The following PPP6R3 variants were observed in gnomAD, a reference collection of about 807,000 sequenced individuals.
PPP6R3 encodes the protein protein phosphatase 6 regulatory subunit 3.
In PPP6R3, 38 loss-of-function variants were observed where a neutral mutation model predicts 110.7. The observed-to-expected ratio is 0.34, with a 90% confidence interval of 0.26 to 0.45. The LOEUF is 0.45. Ranked by LOEUF, PPP6R3 falls within the 20% of genes least tolerant of loss-of-function variation. PPP6R3 has a pLI of 1.00. For missense variants in PPP6R3, 870 were observed against 1,062.4 expected (o/e 0.82, Z 2.52); for synonymous variants, 369 against 373.5 (o/e 0.99, Z 0.14).
intron 14 of PPP6R3, among the ~76,000 whole-genome samples, chr11:68,581,140 T>C (rs1297110360): frequency 6.6e-6 from 1 of 152,204 alleles, no homozygotes; most frequent in Non-Finnish European, 1.5e-5. Context: ...AGAATCAGAC[T>C]CACATCTTCC....
At chr11:68,551,379 G>T (rs1335609495) in intron 6 of PPP6R3, among the ~76,000 whole-genome samples, 193 bp downstream of exon 6, 1 of 152,196 alleles carries the variant, frequency 6.6e-6, no homozygotes, top group Non-Finnish European at 1.5e-5. Flanking sequence ...AAAATTTCCA[G>T]AAGTGTACAA....
intron 1 of PPP6R3, among the ~76,000 whole-genome samples, chr11:68,506,614 A>G (rs894724533): frequency 1.2e-4 from 18 of 152,046 alleles, no homozygotes; most frequent in African/African-American, 4.3e-4. Flanking sequence ...TGATTTTGAA[A>G]TGCACAGTGG....
intron 1 of PPP6R3, chr11:68,514,974 C>CT (rs1192403018): frequency 6.6e-6 from 1 of 152,008 alleles, no homozygotes; most frequent in African/African-American, 2.4e-5. Context: ...GGATTTTGAT[C>CT]TTTTGGGATT....
chr11:68,545,557 T>G lies in PPP6R3; in HGVS notation c.414+533T>G, dbSNP rs958506119. On this transcript the variant is annotated intron_variant, in intron 4 of 23. Transcript: ENST00000393800. ...CTGCTGTGTACATTTGCAGCTGTGC[T>G]GTTCCTATCCAGTGTGGTTTGACAG... Among the ~76,000 whole-genome samples, 334 of 152,376 alleles carry G rather than the reference T, an allele frequency of 2.2e-3. 2 individuals are homozygous for G. Among genetic ancestry groups the G allele is most frequent in the African/African-American group, 7.6e-3 (316 of 41,592 alleles).
intron 1 of PPP6R3, among the ~76,000 whole-genome samples, chr11:68,496,625 A>G (rs1194856198): frequency 6.6e-6 from 1 of 151,342 alleles, no homozygotes; most frequent in Non-Finnish European, 1.5e-5. Context: ...GGTGTGTGCC[A>G]CCGCATCTGG....
At chr11:68,501,165 A>G (rs1314511261) in intron 1 of PPP6R3, among the ~76,000 whole-genome samples, 1 of 152,198 alleles carries the variant, frequency 6.6e-6, no homozygotes, top group East Asian at 1.9e-4. Flanking sequence ...GTGATGAACA[A>G]TATGTTAAGG....
chr11:68,565,513 G>A (rs899983505), intron 9 of PPP6R3, among the ~76,000 whole-genome samples: 3 of 151,808 alleles, frequency 2.0e-5, no homozygotes, highest in Non-Finnish European at 4.4e-5. Context: ...AACAGAGTAA[G>A]GAAAGAAAAA....
chr11:68,516,318 G>C (rs745830455), intron 1 of PPP6R3, among the ~76,000 whole-genome samples: 1 of 152,104 alleles, frequency 6.6e-6, no homozygotes, highest in Non-Finnish European at 1.5e-5. Context: ...TACAACACAT[G>C]TGACCTCATG....
At chr11:68,478,646 A>ATTTTTTT (rs1565292839) in intron 1 of PPP6R3, among the ~76,000 whole-genome samples, 3 of 10,760 alleles carry the variant, frequency 2.8e-4, no homozygotes, top group Non-Finnish European at 4.0e-4. Flanking sequence ...GCACTTGGTA[A>ATTTTTTT]GTTTTTTTTT....
At chr11:68,612,334 A>AATTGTGAATGCTAGTGG in intron 23 of PPP6R3, among the ~76,000 whole-genome samples, 1 of 152,166 alleles carries the variant, frequency 6.6e-6, no homozygotes. Flanking sequence ...TCTAGCTGTA[A>AATTGTGAATGCTAGTGG]ATTGTGAATG....
intron 3 of PPP6R3, 85 bp from the exon 4 acceptor site, chr11:68,544,753 C>T: frequency 3.2e-6 from 3 of 927,164 alleles, no homozygotes; most frequent in Admixed American, 3.0e-5. Flanking sequence ...TTCACAAAAT[C>T]TTGGGAAGCC....
At chr11:68,563,614 T>C (rs1477492413) in intron 8 of PPP6R3, among the ~76,000 whole-genome samples, 2 of 152,198 alleles carry the variant, frequency 1.3e-5, no homozygotes, top group Admixed American at 6.5e-5. Context: ...ACAGACAGAA[T>C]AGACAGTACT....
chr11:68,516,256 T>C (rs1054317642), intron 1 of PPP6R3, among the ~76,000 whole-genome samples: 4 of 152,216 alleles, frequency 2.6e-5, no homozygotes, highest in African/African-American at 4.8e-5. Context: ...AATCTGAAAC[T>C]TTTTGAGTGC....
intron 1 of PPP6R3, among the ~76,000 whole-genome samples, chr11:68,493,017 T>C (rs1394885733): frequency 1.3e-5 from 2 of 152,198 alleles, no homozygotes; most frequent in Non-Finnish European, 2.9e-5. Flanking sequence ...GTCTCCACTT[T>C]CATGGCTGAA....
rs1156285158 is a variant in PPP6R3 at position 68,463,355 on chromosome 11, G to GAAAAAAAAAAAAA, written c.-158+2538_-158+2550dup. Among the ~76,000 whole-genome samples the GAAAAAAAAAAAAA allele has an allele frequency of 9.2e-4, 50 of 54,606 alleles. 2 individuals are homozygous for GAAAAAAAAAAAAA. The highest frequency in any genetic ancestry group is 2.6e-3 in the East Asian group (4 of 1,548). 35.8% of individuals were successfully genotyped at this position (54,606 alleles called of 152,430 possible). The stretch of plus-strand genomic sequence containing the variant: ...GGAGACAGAGCGAGACTCAGTCTCA[G>GAAAAAAAAAAAAA]AAAAAAAAAAAAAAAAAAAAAAGAT... On this transcript the variant is annotated intron_variant, in intron 1 of 23. Transcript: ENST00000393800.
intron 1 of PPP6R3, among the ~76,000 whole-genome samples, chr11:68,500,519 C>G (rs1404860377): frequency 6.6e-6 from 1 of 152,142 alleles, no homozygotes; most frequent in Non-Finnish European, 1.5e-5. Context: ...AGTCTGTTGC[C>G]CAAGCCGGAG....
chr11:68,614,222 A>G lies in PPP6R3; in HGVS notation c.*1105A>G. The G allele has an allele frequency of 1.0e-6, 1 of 987,930 alleles. No homozygotes were observed. Among genetic ancestry groups the G allele is most frequent in the Non-Finnish European group, 1.2e-6 (1 of 831,286 alleles). 61.2% of individuals were successfully genotyped at this position (987,930 alleles called of 1,614,324 possible). A position where few individuals can be genotyped will look rare whatever the true frequency, so the allele number is the denominator to read the frequency against. ...TTCACTCATAAATTTAAACCAGTGT[A>G]TTTTTTTAGAACTGGTTTGTGTATA... On this transcript the variant is annotated 3_prime_UTR_variant, in exon 24 of 24. Transcript: ENST00000393800.
chr11:68,460,992 C>T (rs1444032160), intron 1 of PPP6R3, among the ~76,000 whole-genome samples, 165 bp downstream of exon 1: 2 of 151,726 alleles, frequency 1.3e-5, no homozygotes, highest in Non-Finnish European at 2.9e-5. Context: ...GCCCGGGAGG[C>T]GCGGCGCCGA....
At chr11:68,559,036 C>G (rs369544727) in intron 8 of PPP6R3, among the ~76,000 whole-genome samples, 13 of 152,248 alleles carry the variant, frequency 8.5e-5, no homozygotes, top group Admixed American at 6.5e-4. Context: ...ATAGGTGTTC[C>G]TGGTCAGTGG....
Sources: allele counts gnomAD v4.1 joint callset (sites outside exome capture counted in the v4.1 genomes callset), GRCh38; gene constraint gnomAD v4.1.1; transcripts MANE v1.5; gene names NCBI Gene and HGNC (gene_info 2026-07-23, HGNC 2026-07-21).